ASCC3: variants seen among roughly 807,000 people sequenced by gnomAD.
ASCC3 encodes the protein activating signal cointegrator 1 complex subunit 3.
ASCC3 carries 158 observed loss-of-function variants against 256.3 expected under a neutral mutation model. The observed-to-expected ratio is 0.62, with a 90% CI of 0.54 to 0.70. The LOEUF (loss-of-function observed/expected upper bound fraction) is 0.70, where lower values mean the gene tolerates loss of function less well. Among genes scored for constraint, ASCC3 ranks in the 30% least tolerant of loss-of-function variants. ASCC3 has a pLI of 0.00. For missense variants in ASCC3, 2,259 were observed against 2,626.0 expected (o/e 0.86, Z 3.05); for synonymous variants, 948 against 883.4 (o/e 1.07, Z -1.30).
At chr6:100,817,032 T>C (rs116629639) in intron 4 of ASCC3, among the ~76,000 whole-genome samples, 2,254 of 152,020 alleles carry the variant, frequency 0.015, 56 homozygotes, top group African/African-American at 0.051. Flanking sequence ...AAGCAGAACA[T>C]ACATTCTTCT....
chr6:100,557,526 G>A lies in ASCC3; in HGVS notation c.5551-17139C>T, dbSNP rs115611438. ...GTCTCTATTAAAATGATTTTTTTTT[G>A]TTTAAAGTCTATTTTGACTGACATT... is the stretch of plus-strand genomic sequence containing the variant. On this transcript the variant is annotated intron_variant, in intron 36 of 41. Coordinates refer to ENST00000369162, the MANE Select transcript of ASCC3 (RefSeq NM_006828.4). Among the ~76,000 whole-genome samples the A allele has an allele frequency of 8.9e-3, 1,351 of 151,074 alleles. 22 individuals are homozygous for A. The highest frequency in any genetic ancestry group is 0.031 in the African/African-American group (1,277 of 41,268).
intron 36 of ASCC3, among the ~76,000 whole-genome samples, chr6:100,544,551 C>T (rs1385289115): frequency 6.6e-6 from 1 of 151,640 alleles, no homozygotes; most frequent in East Asian, 1.9e-4. Context: ...ATGCCTTTAC[C>T]TGTAAAAACT....
At chr6:100,632,506 T>G (rs190407161) in intron 25 of ASCC3, among the ~76,000 whole-genome samples, 5 of 151,828 alleles carry the variant, frequency 3.3e-5, no homozygotes, top group Non-Finnish European at 1.5e-5. Context: ...AGACCTTGAA[T>G]AGCCAAAGCA....
intron 11 of ASCC3, among the ~76,000 whole-genome samples, chr6:100,720,272 A>G (rs557018185): frequency 6.6e-6 from 1 of 151,978 alleles, no homozygotes; most frequent in Non-Finnish European, 1.5e-5. Context: ...TTGTGAAATT[A>G]TAAGGAAGAT....
chr6:100,715,773 C>T lies in ASCC3; in HGVS notation c.2080-240G>A, dbSNP rs903883037. ...TTTCTGAGTACTAACTTTCTAAACCCACCAAGTTTTTAAAATACAGTATCT... is the reference window on the plus strand; with the variant it reads ...TTTCTGAGTACTAACTTTCTAAACCTACCAAGTTTTTAAAATACAGTATCT... On this transcript the variant is annotated intron_variant, in intron 12 of 41. Coordinates refer to ENST00000369162, the MANE Select transcript of ASCC3 (RefSeq NM_006828.4). 2.6e-5 allele frequency among the ~76,000 whole-genome samples: 4 copies of T among 151,574 alleles called. No homozygotes were observed. In the East Asian group the frequency reaches 7.7e-4, roughly 29 times the overall value.
chr6:100,799,341 G>C, intron 7 of ASCC3, 90 bp downstream of exon 7: 1 of 1,416,036 alleles, frequency 7.1e-7, no homozygotes, highest in Non-Finnish European at 9.8e-7. Flanking sequence ...GTCAACTAGT[G>C]TTAGACTCAC....
chr6:100,590,676 GTTTTACATCTGTACAGGAC>G (rs1771960354), intron 34 of ASCC3, among the ~76,000 whole-genome samples: 2 of 152,048 alleles, frequency 1.3e-5, no homozygotes, highest in South Asian at 4.2e-4. Flanking sequence ...CATCATGATG[GTTTTACATCTGTACAGGAC>G]TAGGAAGGGA....
rs537661052 is a variant in ASCC3 at position 100,870,011 on chromosome 6, C to A, written c.-41-1973G>T. On this transcript the variant is annotated intron_variant, in intron 1 of 41. Coordinates refer to ENST00000369162, the MANE Select transcript of ASCC3 (RefSeq NM_006828.4). ...TAGGATAGTCTCAAAATAAAACAAA[C>A]AGACCTCAAGGAGAAAGTGACAAGT... is the stretch of plus-strand genomic sequence containing the variant. Among the ~76,000 whole-genome samples the A allele has an allele frequency of 5.9e-5, 9 of 152,116 alleles. No individual in the cohort carries two copies. In the East Asian group the frequency reaches 1.7e-3, roughly 29 times the overall value.
At chr6:100,784,696 G>T (rs1782609667) in intron 8 of ASCC3, among the ~76,000 whole-genome samples, 1 of 151,540 alleles carries the variant, frequency 6.6e-6, no homozygotes, top group African/African-American at 2.4e-5. Context: ...GCTAAAGTTG[G>T]GACTATAAAG....
intron 36 of ASCC3, among the ~76,000 whole-genome samples, chr6:100,552,327 G>C (rs1769341248): frequency 6.6e-6 from 1 of 151,790 alleles, no homozygotes; most frequent in Non-Finnish European, 1.5e-5. Context: ...TAAAAAATAT[G>C]ATTCTTAAAG....
At chr6:100,734,322 G>A (rs1780046448) in intron 10 of ASCC3, among the ~76,000 whole-genome samples, 1 of 152,102 alleles carries the variant, frequency 6.6e-6, no homozygotes. Context: ...ATTAAAATGA[G>A]TTTTTGATAC....
Position 100,509,401 on chromosome 6 carries a change from G to T in ASCC3, c.6594C>A (p.Asp2198Glu). Reference sequence around the variant, plus strand: ...TCAGGTCAAGTTACTTTAATGCCAGGTCAGTCAGGGAATCAGAGACCTTGG... The same window carrying T: ...TCAGGTCAAGTTACTTTAATGCCAGTTCAGTCAGGGAATCAGAGACCTTGG... ...VNTKVSDSLT[D>E]LALK is the part of the protein sequence containing the mutation. The change falls in exon 42 of 42, where the codon GAC (aspartate) becomes GAA (glutamate). Residue 2198 changes from aspartate to glutamate, a missense_variant. Transcript: ENST00000369162. 1 of 1,614,172 alleles carries T rather than the reference G, an allele frequency of 6.2e-7. No individual in the cohort carries two copies. Among genetic ancestry groups the T allele is most frequent in the Non-Finnish European group, 8.5e-7 (1 of 1,180,020 alleles).
chr6:100,545,897 A>T (rs766985730), intron 36 of ASCC3, among the ~76,000 whole-genome samples: 1 of 152,160 alleles, frequency 6.6e-6, no homozygotes, highest in Non-Finnish European at 1.5e-5. Flanking sequence ...TACTATTTCT[A>T]TTCAACACTG....
chr6:100,632,581 A>C (rs1030337236), intron 25 of ASCC3, among the ~76,000 whole-genome samples: 8 of 152,168 alleles, frequency 5.3e-5, no homozygotes, highest in Admixed American at 3.9e-4. Context: ...TTACAAAGCT[A>C]CAGTAATCAT....
At chr6:100,729,318 A>G (rs114911554) in intron 10 of ASCC3, among the ~76,000 whole-genome samples, 2,066 of 152,274 alleles carry the variant, frequency 0.014, 38 homozygotes, top group African/African-American at 0.048. Context: ...GTGTGAACAG[A>G]GAAGGCATTT....
At chr6:100,521,969 G>A (rs1446236820) in intron 37 of ASCC3, among the ~76,000 whole-genome samples, 1 of 152,164 alleles carries the variant, frequency 6.6e-6, no homozygotes, top group African/African-American at 2.4e-5. Context: ...TGGAGAGCAT[G>A]CCTGAGTTTC....
intron 4 of ASCC3, among the ~76,000 whole-genome samples, chr6:100,812,667 T>A (rs1038194066): frequency 6.6e-6 from 1 of 152,176 alleles, no homozygotes; most frequent in African/African-American, 2.4e-5. Context: ...TGGCGGCTCC[T>A]ACCTGTGATC....
chr6:100,804,384 C>T (rs1190044081), intron 5 of ASCC3, among the ~76,000 whole-genome samples: 1 of 152,064 alleles, frequency 6.6e-6, no homozygotes, highest in Non-Finnish European at 1.5e-5. Context: ...TACACTACTA[C>T]CTGGCCCATA....
At chr6:100,636,349 T>A (rs1053843028) in intron 25 of ASCC3, among the ~76,000 whole-genome samples, 1 of 152,144 alleles carries the variant, frequency 6.6e-6, no homozygotes, top group South Asian at 2.1e-4. Context: ...TTTTGTAGTG[T>A]CATGAACTAC....
Sources: gnomAD v4.1 joint callset for allele counts (sites outside exome capture counted in the v4.1 genomes callset) on GRCh38, gnomAD v4.1.1 for gene constraint, MANE v1.5 for transcripts, NCBI Gene and HGNC (gene_info 2026-07-23, HGNC 2026-07-21) for gene names.